Variants in MEIKIN observed in about 807,000 individuals in gnomAD.
The protein encoded by MEIKIN is meiosis-specific kinetochore protein.
chr5:131,820,268 T>C (rs1005550206), intron 11 of MEIKIN, among the ~76,000 whole-genome samples: 3 of 151,740 alleles, frequency 2.0e-5, no homozygotes, highest in Non-Finnish European at 2.9e-5. Flanking sequence ...GAGACAGGGT[T>C]TCAGCATGTT....
intron 11 of MEIKIN, among the ~76,000 whole-genome samples, chr5:131,846,827 T>A (rs1243017511): frequency 6.6e-6 from 1 of 152,042 alleles, no homozygotes; most frequent in Admixed American, 6.6e-5. Context: ...CTCAAAAAAA[T>A]TATTAATTTA....
chr5:131,860,235 T>C (rs1179285267), intron 9 of MEIKIN, among the ~76,000 whole-genome samples: 2 of 152,080 alleles, frequency 1.3e-5, no homozygotes, highest in African/African-American at 2.4e-5. Context: ...TGTTTTGTAA[T>C]TTTCCTTGTA....
chr5:131,889,513 C>G (rs867384246), intron 8 of MEIKIN, among the ~76,000 whole-genome samples: 1 of 152,090 alleles, frequency 6.6e-6, no homozygotes, highest in Admixed American at 6.6e-5. Flanking sequence ...CTCCCTGTTT[C>G]TCTGTTATTG....
chr5:131,901,621 C>T (rs984280067), intron 8 of MEIKIN, among the ~76,000 whole-genome samples: 3 of 152,160 alleles, frequency 2.0e-5, no homozygotes, highest in African/African-American at 7.2e-5. Flanking sequence ...TCTGGGAACA[C>T]CTTGGCCCTT....
At chr5:131,882,855 T>G (rs935793518) in intron 8 of MEIKIN, among the ~76,000 whole-genome samples, 1 of 152,138 alleles carries the variant, frequency 6.6e-6, no homozygotes, top group Non-Finnish European at 1.5e-5. Context: ...ATTGTTCCCA[T>G]TGCCTGGCAT....
intron 12 of MEIKIN, among the ~76,000 whole-genome samples, chr5:131,812,886 T>C (rs1773023713): frequency 6.6e-6 from 1 of 152,224 alleles, no homozygotes; most frequent in African/African-American, 2.4e-5. Flanking sequence ...AAACTACTCT[T>C]TTGAGAAACA....
At chr5:131,929,039 T>C (rs1193025454) in intron 5 of MEIKIN, among the ~76,000 whole-genome samples, 1 of 152,232 alleles carries the variant, frequency 6.6e-6, no homozygotes, top group Non-Finnish European at 1.5e-5. Context: ...AAACTCCTTG[T>C]CTCTCCATTT....
chr5:131,892,519 C>A (rs1750944066), intron 8 of MEIKIN, among the ~76,000 whole-genome samples: 2 of 152,196 alleles, frequency 1.3e-5, no homozygotes, highest in South Asian at 4.1e-4. Flanking sequence ...GCTGCTGAGG[C>A]TTATGCATTC....
intron 8 of MEIKIN, among the ~76,000 whole-genome samples, chr5:131,890,336 T>C (rs1750887694): frequency 6.6e-6 from 1 of 152,266 alleles, no homozygotes; most frequent in Admixed American, 6.5e-5. Flanking sequence ...GTCCTGGACT[T>C]TTTTTGGTTG....
chr5:131,814,577 A>C (rs937144619), intron 12 of MEIKIN, among the ~76,000 whole-genome samples: 7 of 152,204 alleles, frequency 4.6e-5, no homozygotes, highest in Admixed American at 6.5e-5. Flanking sequence ...ACACCCACCC[A>C]GGACAGACCT....
At chr5:131,924,252 C>T (rs546183093) in intron 5 of MEIKIN, among the ~76,000 whole-genome samples, 32 of 152,242 alleles carry the variant, frequency 2.1e-4, no homozygotes, top group Non-Finnish European at 4.1e-4. Flanking sequence ...GTTTTTTCCA[C>T]CTCTCGGCTA....
intron 11 of MEIKIN, among the ~76,000 whole-genome samples, chr5:131,835,330 C>T (rs1723577000): frequency 6.6e-6 from 1 of 151,918 alleles, no homozygotes; most frequent in Non-Finnish European, 1.5e-5. Flanking sequence ...GTATTCATCA[C>T]GTTGTTTTCT....
intron 12 of MEIKIN, among the ~76,000 whole-genome samples, chr5:131,812,897 G>A (rs1773023957): frequency 6.6e-6 from 1 of 152,228 alleles, no homozygotes; most frequent in African/African-American, 2.4e-5. Context: ...TTGAGAAACA[G>A]CTTTTGGCTT....
intron 8 of MEIKIN, among the ~76,000 whole-genome samples, chr5:131,884,423 A>G (rs1053321467): frequency 1.4e-4 from 21 of 151,928 alleles, no homozygotes; most frequent in African/African-American, 4.8e-4. Context: ...TTCTAGACAC[A>G]CCCTGGGCCA....
chr5:131,913,459 T>C (rs1477110718), intron 7 of MEIKIN, among the ~76,000 whole-genome samples: 1 of 152,228 alleles, frequency 6.6e-6, no homozygotes, highest in Non-Finnish European at 1.5e-5. Context: ...TAACTCCCAG[T>C]GACATATGTT....
intron 9 of MEIKIN, among the ~76,000 whole-genome samples, chr5:131,874,935 A>G (rs1268092409): frequency 1.3e-5 from 2 of 152,244 alleles, no homozygotes; most frequent in Non-Finnish European, 2.9e-5. Context: ...CTTCAACAAA[A>G]TTCAACAACA....
chr5:131,929,551 A>T (rs1018317997), intron 5 of MEIKIN, among the ~76,000 whole-genome samples: 3 of 151,956 alleles, frequency 2.0e-5, no homozygotes, highest in Non-Finnish European at 4.4e-5. Context: ...TTTATTTTAG[A>T]TATAGGGGGT....
chr5:131,850,805 T>C (rs1277340409), intron 11 of MEIKIN, among the ~76,000 whole-genome samples: 1 of 152,084 alleles, frequency 6.6e-6, no homozygotes, highest in Admixed American at 6.5e-5. Context: ...CTGGGCATGG[T>C]GGTGTATGCC....
intron 8 of MEIKIN, among the ~76,000 whole-genome samples, chr5:131,893,909 C>A (rs570101926): frequency 7.2e-5 from 11 of 152,242 alleles, no homozygotes; most frequent in African/African-American, 2.6e-4. Context: ...TTAATTAGAT[C>A]CCATTTGTCT....
Sources: gnomAD v4.1 joint callset for allele counts (sites outside exome capture counted in the v4.1 genomes callset) on GRCh38, gnomAD v4.1.1 for gene constraint, MANE v1.5 for transcripts, NCBI Gene and HGNC (gene_info 2026-07-23, HGNC 2026-07-21) for gene names.